The following UHMK1 variants were observed in gnomAD, a reference collection of about 807,000 sequenced individuals.
The protein encoded by UHMK1 is U2AF homology motif kinase 1.
A neutral mutation model predicts 44.0 loss-of-function variants in UHMK1; 18 were observed. The ratio of observed to expected loss-of-function variants is 0.41; its 90% CI spans 0.28 to 0.61. The LOEUF is 0.61. Ranked by LOEUF, UHMK1 falls within the 20% of genes least tolerant of loss-of-function variation. The probability of loss-of-function intolerance (pLI) is 0.31; values close to 1 mark genes in which losing one functional copy is unlikely to be tolerated. For missense variants in UHMK1, 463 were observed against 522.5 expected (o/e 0.89, Z 1.11); for synonymous variants, 231 against 198.5 (o/e 1.16, Z -1.38).
intron 3 of UHMK1, among the ~76,000 whole-genome samples, chr1:162,501,415 G>A (rs775453560): frequency 7.2e-5 from 11 of 152,114 alleles, no homozygotes; most frequent in Non-Finnish European, 1.2e-4. Flanking sequence ...TGATGCACCC[G>A]CCTGGGCCTC....
intron 6 of UHMK1, among the ~76,000 whole-genome samples, chr1:162,515,528 C>G (rs1651804160): frequency 6.6e-6 from 1 of 151,998 alleles, no homozygotes; most frequent in Admixed American, 6.6e-5. Flanking sequence ...TTCTTTGAGT[C>G]TGTGACCATT....
intron 2 of UHMK1, 183 bp downstream of exon 2, chr1:162,500,430 T>G: frequency 2.8e-6 from 2 of 704,158 alleles, no homozygotes; most frequent in South Asian, 4.1e-5. Context: ...AAGGACATAA[T>G]GTTTGGGTCA....
At chr1:162,521,785 T>C (rs1652068671) in intron 7 of UHMK1, among the ~76,000 whole-genome samples, 1 of 152,186 alleles carries the variant, frequency 6.6e-6, no homozygotes, top group Non-Finnish European at 1.5e-5. Context: ...TGTGCCACCT[T>C]GCCCAGCTAA....
intron 1 of UHMK1, 98 bp from the exon 2 acceptor site, chr1:162,499,857 C>T: frequency 6.1e-6 from 7 of 1,146,286 alleles, no homozygotes; most frequent in Non-Finnish European, 8.6e-6. Context: ...TCAAAGTTAT[C>T]CTTATCTAGA....
intron 6 of UHMK1, among the ~76,000 whole-genome samples, chr1:162,517,798 T>C (rs1408154323): frequency 2.6e-5 from 4 of 151,750 alleles, no homozygotes; most frequent in Admixed American, 2.6e-4. Context: ...GGGAGAAGAA[T>C]CGCTTGAACC....
At position 162,522,599 on chromosome 1, in the gene UHMK1, T is replaced by C; in HGVS notation, c.*49T>C. On this transcript the variant is annotated 3_prime_UTR_variant, in exon 8 of 8. Transcript: ENST00000489294. ...TTTTTCTCCTCTTCCATTTCTTGGG[T>C]TATTCCACATATGAATGCAGGACTA... The C allele has an allele frequency of 1.9e-6, 3 of 1,582,598 alleles. No individual in the cohort carries two copies. The highest frequency in any genetic ancestry group is 2.6e-6 in the Non-Finnish European group (3 of 1,160,154).
intron 7 of UHMK1, among the ~76,000 whole-genome samples, chr1:162,519,572 G>A (rs1557946908): frequency 6.6e-6 from 1 of 152,190 alleles, no homozygotes; most frequent in Non-Finnish European, 1.5e-5. Context: ...TTTAAAATGT[G>A]TGGGCTAAAA....
Position 162,524,861 on chromosome 1 carries a change from T to C in UHMK1, c.*2311T>C, listed in dbSNP as rs1182750488. On this transcript the variant is annotated 3_prime_UTR_variant, in exon 8 of 8. Coordinates refer to ENST00000489294, the MANE Select transcript of UHMK1 (RefSeq NM_175866.5). Reference sequence around the variant, plus strand: ...GAGCTGAGGGAATAATTGATGAGCCTTGAATTAACCATGCATTTAATTAGA... The same window carrying C: ...GAGCTGAGGGAATAATTGATGAGCCCTGAATTAACCATGCATTTAATTAGA... 2 of 152,206 alleles carry C rather than the reference T, an allele frequency of 1.3e-5. No homozygotes were observed. Among genetic ancestry groups the C allele is most frequent in the Non-Finnish European group, 2.9e-5 (2 of 68,034 alleles). The allele number at this position is 152,206 out of a possible 1,614,324, so 9.4% of individuals were successfully genotyped here.
intron 3 of UHMK1, 112 bp from the exon 4 acceptor site, chr1:162,503,642 T>A: frequency 7.2e-6 from 4 of 558,572 alleles, no homozygotes; most frequent in Non-Finnish European, 1.2e-5. Context: ...GATTGTAGGC[T>A]CTCAGAAGAT....
Position 162,522,055 on chromosome 1 carries a change from C to T in UHMK1, c.1114-349C>T, listed in dbSNP as rs75389440. ...GCAGTTGCTGTCTGAGCTATTCAGCCGTATCTTTGGCAGATGTCTAGTGTT... is the reference window on the plus strand; with the variant it reads ...GCAGTTGCTGTCTGAGCTATTCAGCTGTATCTTTGGCAGATGTCTAGTGTT... On this transcript the variant is annotated intron_variant, in intron 7 of 7. Coordinates refer to ENST00000489294, the MANE Select transcript of UHMK1 (RefSeq NM_175866.5). Among the ~76,000 whole-genome samples, 18 of 63,566 alleles carry T rather than the reference C, an allele frequency of 2.8e-4. No individual in the cohort carries two copies. The East Asian group carries it at 5.5e-3, about 19-fold the overall frequency. 41.7% of individuals were successfully genotyped at this position (63,566 alleles called of 152,430 possible).
Position 162,498,132 on chromosome 1 carries a change from C to A in UHMK1, c.132C>A (p.Gly44=). 1 of 1,612,674 alleles carries A rather than the reference C, an allele frequency of 6.2e-7. No individual in the cohort carries two copies. The highest frequency in any genetic ancestry group is 1.7e-4 in the Middle Eastern group (1 of 6,006). The change falls in exon 1 of 8, where the codon GGC becomes GGA. Residue 44 remains glycine, a synonymous_variant. Transcript: ENST00000489294. ...SASVYRVRCC[G]NPGSPPGALK... is the part of the protein sequence containing the mutation. ...CGGTGTATCGGGTTCGCTGCTGCGG[C>A]AACCCTGGCTCGCCCCCCGGCGCCC... is the stretch of plus-strand genomic sequence containing the variant.
At position 162,522,543 on chromosome 1, in the gene UHMK1, T is replaced by C. The variant is rs1159022033; in HGVS notation, c.1253T>C (p.Leu418Ser). ...AYKRGYLYQT[L>S]L ...AAGAGGGGATATCTGTATCAAACCT[T>C]GCTTTAATCAGTAACCTAAGGACTG... The change falls in exon 8 of 8, where the codon TTG becomes TCG. Residue 418 changes from leucine to serine, a missense_variant. Leu to Ser is a moderately radical substitution (Grantham distance 145). Transcript: ENST00000489294. 1 of 1,613,462 alleles carries C rather than the reference T, an allele frequency of 6.2e-7. No individual in the cohort carries two copies. Among genetic ancestry groups the C allele is most frequent in the Non-Finnish European group, 8.5e-7 (1 of 1,179,878 alleles).
intron 4 of UHMK1, among the ~76,000 whole-genome samples, chr1:162,507,862 A>G (rs1651534145): frequency 2.0e-5 from 3 of 151,936 alleles, no homozygotes; most frequent in Admixed American, 1.3e-4. Flanking sequence ...TTGTGATTAC[A>G]GGCATGAGCC....
chr1:162,518,709 C>T (rs1651931036), intron 7 of UHMK1, among the ~76,000 whole-genome samples: 1 of 148,406 alleles, frequency 6.7e-6, no homozygotes, highest in Non-Finnish European at 1.5e-5. Flanking sequence ...CTACTTTTGG[C>T]TGGGCGCAGT....
chr1:162,508,379 T>C (rs571900996), intron 4 of UHMK1, among the ~76,000 whole-genome samples: 139 of 151,718 alleles, frequency 9.2e-4, no homozygotes, highest in African/African-American at 3.3e-3. Flanking sequence ...CCCAAAGTGC[T>C]GGGATTATGA....
At chr1:162,506,384 C>T (rs1055879983) in intron 4 of UHMK1, among the ~76,000 whole-genome samples, 3 of 151,976 alleles carry the variant, frequency 2.0e-5, no homozygotes, top group Non-Finnish European at 2.9e-5. Context: ...GCATGCAAGT[C>T]GCTGAACCTT....
Position 162,523,585 on chromosome 1 carries a change from A to G in UHMK1, c.*1035A>G, listed in dbSNP as rs1652136808. On this transcript the variant is annotated 3_prime_UTR_variant, in exon 8 of 8. Coordinates refer to ENST00000489294, the MANE Select transcript of UHMK1 (RefSeq NM_175866.5). The stretch of plus-strand genomic sequence containing the variant: ...TTCTCAAGATGTGGCTCTACCTACT[A>G]TGATGAAAATTGAAGTGGGTCAAAA... 1 of 152,614 alleles carries G rather than the reference A, an allele frequency of 6.6e-6. No individual in the cohort carries two copies. Among genetic ancestry groups the G allele is most frequent in the African/African-American group, 2.4e-5 (1 of 41,458 alleles). The allele number at this position is 152,614 out of a possible 1,614,324, so 9.5% of individuals were successfully genotyped here.
At position 162,516,862 on chromosome 1, in the gene UHMK1, T is replaced by G. The variant is rs1238917233; in HGVS notation, c.1025-1240T>G. Reference sequence around the variant, plus strand: ...GATGAAACATTTGATTATCCTCTTGTGGGTAAGGGTATAAGGAAACATTTT... The same window carrying G: ...GATGAAACATTTGATTATCCTCTTGGGGGTAAGGGTATAAGGAAACATTTT... On this transcript the variant is annotated intron_variant, in intron 6 of 7. Transcript: ENST00000489294. 3.3e-5 allele frequency among the ~76,000 whole-genome samples: 5 copies of G among 152,312 alleles called. No individual in the cohort carries two copies. In the East Asian group the frequency reaches 7.7e-4, roughly 24 times the overall value.
At chr1:162,497,266 C>A, upstream of UHMK1, 1 of 702,706 alleles carries the variant, frequency 1.4e-6, no homozygotes, top group Non-Finnish European at 2.6e-6. Context: ...TCTTACCAGA[C>A]CGAAGGTCTG....
Sources: allele counts gnomAD v4.1 joint callset (sites outside exome capture counted in the v4.1 genomes callset), GRCh38; gene constraint gnomAD v4.1.1; transcripts MANE v1.5; gene names NCBI Gene and HGNC (gene_info 2026-07-23, HGNC 2026-07-21).